MGAT4B: variants seen among roughly 807,000 people sequenced by gnomAD.
The protein encoded by MGAT4B is alpha-1,3-mannosyl-glycoprotein 4-beta-N-acetylglucosaminyltransferase B.
A neutral mutation model predicts 73.9 loss-of-function variants in MGAT4B; 38 were observed. The observed-to-expected ratio is 0.51, with a 90% CI of 0.40 to 0.67. The LOEUF (loss-of-function observed/expected upper bound fraction) is 0.67. Among genes scored for constraint, MGAT4B ranks in the 30% least tolerant of loss-of-function variants. The pLI is 0.00. For missense variants in MGAT4B, 686 were observed against 735.2 expected (o/e 0.93, Z 0.77); for synonymous variants, 373 against 313.5 (o/e 1.19, Z -2.01).
At chr5:179,802,557 GAC>G in intron 1 of MGAT4B, 2 of 997,590 alleles carry the variant, frequency 2.0e-6, no homozygotes, top group Non-Finnish European at 2.4e-6. Flanking sequence ...GCTGCTCAAG[GAC>G]AGTCAACAGC....
chr5:179,802,926 C>T, intron 1 of MGAT4B: 1 of 985,420 alleles, frequency 1.0e-6, no homozygotes, highest in Non-Finnish European at 1.2e-6. Flanking sequence ...GTTTAAGAAG[C>T]CTGACCGAAC....
At position 179,801,509 on chromosome 5, in the gene MGAT4B, C is replaced by A. The variant is rs754117354; in HGVS notation, c.425-42G>T. On this transcript the variant is annotated intron_variant, in intron 3 of 14. Coordinates refer to ENST00000292591, the MANE Select transcript of MGAT4B (RefSeq NM_014275.5). The surrounding 1 kb of genome is among the most constrained non-coding windows in gnomAD (Gnocchi z 4.8). Reference sequence around the variant, plus strand: ...CCCGACGCTGGAAAGGGTGCGGGGGCCACCCGTCCCCCCACCCCGTGCTCC... The same window carrying A: ...CCCGACGCTGGAAAGGGTGCGGGGGACACCCGTCCCCCCACCCCGTGCTCC... 6.2e-7 allele frequency: 1 copy of A among 1,602,338 alleles called. No homozygotes were observed. Among genetic ancestry groups the A allele is most frequent in the Non-Finnish European group, 8.5e-7 (1 of 1,172,612 alleles).
rs1168794803 is a variant in MGAT4B, at chr5:179,798,052, G to A, written c.1640C>T (p.Ala547Val). ...CCCTCAGAAGCCCGCAGCTTAGTCG[G>A]CCTTTTTCAGGAAGATCTGGAAGAG... ...VILSEIFLKK[A>V]D The change falls in exon 15 of 15, where the codon GCC becomes GTC. Residue 547 changes from alanine (A) to valine (V), a missense_variant. Around this residue, in one of 2 missense-constraint regions of MGAT4B, gnomAD observed 449 missense variants for 536.8 expected, o/e 0.84. Coordinates refer to ENST00000292591, the MANE Select transcript of MGAT4B (RefSeq NM_014275.5). 6.2e-7 allele frequency: 1 copy of A among 1,608,890 alleles called. No homozygotes were observed. The highest frequency in any genetic ancestry group is 8.5e-7 in the Non-Finnish European group (1 of 1,178,290).
chr5:179,798,978 G>C lies in MGAT4B; in HGVS notation c.1293C>G (p.Ala431=), dbSNP rs41285561. Residue 431 remains alanine (A), a synonymous_variant, in exon 11 of 15, where the codon GCC becomes GCG. Transcript: ENST00000292591. ...REDFFWAFTP[A]AGDFIRFRFF... Reference sequence around the variant, plus strand: ...AGCGGAAGCGGATGAAGTCCCCCGCGGCAGGGGTGAAGGCCCAGAAGAAGT... The same window carrying C: ...AGCGGAAGCGGATGAAGTCCCCCGCCGCAGGGGTGAAGGCCCAGAAGAAGT... The C allele has an allele frequency of 6.2e-7, 1 of 1,613,766 alleles. No individual in the cohort carries two copies.
chr5:179,802,138 G>T, intron 1 of MGAT4B, 169 bp from the exon 2 acceptor site: 1 of 1,524,758 alleles, frequency 6.6e-7, no homozygotes, highest in South Asian at 1.3e-5. Context: ...AAATTACACT[G>T]ACACTAATGC....
chr5:179,802,910 C>T, intron 1 of MGAT4B: 1 of 985,442 alleles, frequency 1.0e-6, no homozygotes, highest in Non-Finnish European at 1.2e-6. Context: ...GTTTCCAAGT[C>T]TCCAAGTTTA....
intron 6 of MGAT4B, 76 bp downstream of exon 6, chr5:179,800,408 C>A: frequency 7.0e-7 from 1 of 1,423,472 alleles, no homozygotes; most frequent in Non-Finnish European, 9.8e-7. Flanking sequence ...GGGAAACACC[C>A]TGGACTCAAA....
chr5:179,802,816 C>G (rs551693), intron 1 of MGAT4B: 1 of 985,558 alleles, frequency 1.0e-6, no homozygotes. Flanking sequence ...CCTGGTGGCT[C>G]GGTGCCCACA....
rs1318434916 is a variant in MGAT4B at position 179,801,155 on chromosome 5, C to T, written c.558+179G>A. On this transcript the variant is annotated intron_variant, in intron 4 of 14. Coordinates refer to ENST00000292591, the MANE Select transcript of MGAT4B (RefSeq NM_014275.5). The surrounding 1 kb of genome is among the most constrained non-coding windows in gnomAD (Gnocchi z 4.8). Reference sequence around the variant, plus strand: ...GCCAAGGACTAGGGGGTGGCGGGGGCGATGGGTAGGGGTAGAGGGTGCCAG... The same window carrying T: ...GCCAAGGACTAGGGGGTGGCGGGGGTGATGGGTAGGGGTAGAGGGTGCCAG... Among the ~76,000 whole-genome samples the T allele has an allele frequency of 1.3e-5, 2 of 151,644 alleles. No homozygotes were observed. Among genetic ancestry groups the T allele is most frequent in the African/African-American group, 2.4e-5 (1 of 41,042 alleles).
In MGAT4B at chr5:179,800,503, C is replaced by T; in HGVS notation, c.700G>A (p.Asp234Asn). ...DFSRLRESFGDPKERVRWRTK... is the reference protein window; with the variant it reads ...DFSRLRESFGNPKERVRWRTK... ...TAGTACCTGACTCTCTCCTTGGGGT[C>T]CCCAAAGGACTCTCGGAGGCGGGAG... Residue 234 changes from aspartate (D) to asparagine (N), a missense_variant, in exon 6 of 15, where the codon GAC becomes AAC. Physicochemically the swap from Asp to Asn is conservative, Grantham distance 23 (BLOSUM62 1). Transcript: ENST00000292591. The T allele has an allele frequency of 2.5e-6, 4 of 1,608,540 alleles. No individual in the cohort carries two copies. The highest frequency in any genetic ancestry group is 3.4e-6 in the Non-Finnish European group (4 of 1,177,748).
Position 179,801,285 on chromosome 5 carries a change from G to T in MGAT4B, c.558+49C>A, listed in dbSNP as rs1187693770. The T allele has an allele frequency of 6.4e-6, 10 of 1,571,310 alleles. No homozygotes were observed. Among genetic ancestry groups the T allele is most frequent in the African/African-American group, 2.7e-5 (2 of 74,302 alleles). On this transcript the variant is annotated intron_variant, in intron 4 of 14. Coordinates refer to ENST00000292591, the MANE Select transcript of MGAT4B (RefSeq NM_014275.5). This position sits in a 1 kb window ranked among gnomAD's most constrained non-coding sequence, Gnocchi z 4.8. ...TGGTTCCTGCTGTCAGTTCTGCACC[G>T]CGGGGGCTCCTCTGAATGTCCCCCA...
chr5:179,801,194 C>T lies in MGAT4B; in HGVS notation c.558+140G>A. Reference sequence around the variant, plus strand: ...AGAGGGTGCCAGAAAGCCCTTTCAACTTTCTATCTCGGAGCATTTGCGAAT... The same window carrying T: ...AGAGGGTGCCAGAAAGCCCTTTCAATTTTCTATCTCGGAGCATTTGCGAAT... On this transcript the variant is annotated intron_variant, in intron 4 of 14. Transcript: ENST00000292591. The surrounding 1 kb of genome is among the most constrained non-coding windows in gnomAD (Gnocchi z 4.8). 7.5e-7 allele frequency: 1 copy of T among 1,333,824 alleles called. No individual in the cohort carries two copies. Among genetic ancestry groups the T allele is most frequent in the Non-Finnish European group, 1.0e-6 (1 of 995,066 alleles). The allele number at this position is 1,333,824 out of a possible 1,614,324, so 82.6% of individuals were successfully genotyped here.
Position 179,799,976 on chromosome 5 carries a change from C to T in MGAT4B, c.888G>A (p.Glu296=), listed in dbSNP as rs768980761. The T allele has an allele frequency of 4.3e-6, 7 of 1,613,946 alleles. No individual in the cohort carries two copies. In the South Asian group the frequency reaches 6.6e-5, roughly 15 times the overall value. Residue 296 remains glutamate, a synonymous_variant, in exon 8 of 15, where the codon GAG becomes GAA. Coordinates refer to ENST00000292591, the MANE Select transcript of MGAT4B (RefSeq NM_014275.5). The part of the protein sequence containing the change: ...QQPSEDWMIL[E]FSQLGFIGKM... ...CACCAATGAAGCCCAGCTGGGAGAA[C>T]TCCAGGATCATCCAGTCCTCTGAAG...
rs1756853067 is a variant in MGAT4B, at chr5:179,800,258, A to C, written c.721T>G (p.Trp241Gly). 6.2e-7 allele frequency: 1 copy of C among 1,612,920 alleles called. No homozygotes were observed. Among genetic ancestry groups the C allele is most frequent in the Non-Finnish European group, 8.5e-7 (1 of 1,179,962 alleles). Residue 241 changes from tryptophan to glycine, a missense_variant and splice_region_variant, in exon 7 of 15, where the codon TGG becomes GGG. This residue lies in a region of MGAT4B where 449 missense variants were observed against 536.8 expected (regional missense o/e 0.84). Transcript: ENST00000292591. ...TAATCGAGGTTCTGTTTGGTCCTCC[A>C]CCTGTGGGCCGGGGCGGGGCCTCAG... ...SFGDPKERVR[W>G]RTKQNLDYCF...
In MGAT4B at chr5:179,800,946, G is replaced by A. The variant is rs1407267782; in HGVS notation, c.566C>T (p.Ser189Leu). 1 of 1,613,898 alleles carries A rather than the reference G, an allele frequency of 6.2e-7. No homozygotes were observed. Among genetic ancestry groups the A allele is most frequent in the East Asian group, 2.2e-5 (1 of 44,862 alleles). Residue 189 changes from serine (S) to leucine (L), a missense_variant, in exon 5 of 15, where the codon TCA (serine) becomes TTA (leucine). Ser to Leu is a moderately radical substitution (Grantham distance 145). Coordinates refer to ENST00000292591, the MANE Select transcript of MGAT4B (RefSeq NM_014275.5). ...CTCTGTCACTGCCGAAGTGTACTGT[G>A]AGTCAGTCTGTGGGGAGACCAAGCA... The part of the protein sequence containing the change: ...VIVVLIAETD[S>L]QYTSAVTENI...
chr5:179,800,622 G>A (rs533353222), intron 5 of MGAT4B, 25 bp from the exon 6 acceptor site: 41 of 1,499,938 alleles, frequency 2.7e-5, no homozygotes, highest in South Asian at 2.0e-4. Flanking sequence ...GGCCTAGTCC[G>A]TATGCAGCCT....
At chr5:179,804,898 C>G (rs1757078446) in intron 1 of MGAT4B, 1 of 152,220 alleles carries the variant, frequency 6.6e-6, no homozygotes, top group South Asian at 2.1e-4. Flanking sequence ...GAAACAGTGA[C>G]AGCCCCTCGA....
In MGAT4B at chr5:179,800,505, C is replaced by T; in HGVS notation, c.698G>A (p.Gly233Glu). 1.9e-6 allele frequency: 3 copies of T among 1,609,758 alleles called. No homozygotes were observed. Among genetic ancestry groups the T allele is most frequent in the Non-Finnish European group, 2.5e-6 (3 of 1,178,558 alleles). ...GTACCTGACTCTCTCCTTGGGGTCCCCAAAGGACTCTCGGAGGCGGGAGAA... is the reference window on the plus strand; with the variant it reads ...GTACCTGACTCTCTCCTTGGGGTCCTCAAAGGACTCTCGGAGGCGGGAGAA... ...PDFSRLRESF[G>E]DPKERVRWRT... The change falls in exon 6 of 15, where the codon GGG (glycine) becomes GAG (glutamate). Residue 233 changes from glycine to glutamate, a missense_variant. By Grantham distance (98) the Gly-to-Glu change is moderately conservative (BLOSUM62 -2). This residue lies in a region of MGAT4B where 449 missense variants were observed against 536.8 expected (regional missense o/e 0.84). Transcript: ENST00000292591.
chr5:179,803,223 C>T (rs1400880025), intron 1 of MGAT4B: 2 of 985,400 alleles, frequency 2.0e-6, no homozygotes, highest in Non-Finnish European at 2.4e-6. Context: ...AAGAAGCCAG[C>T]CCCCACCCTC....
Sources: allele counts gnomAD v4.1 joint callset (sites outside exome capture counted in the v4.1 genomes callset), GRCh38; gene constraint gnomAD v4.1.1; regional missense constraint gnomAD v4.1.1; non-coding constraint Gnocchi (gnomAD v3.1); transcripts MANE v1.5; gene names NCBI Gene and HGNC (gene_info 2026-07-23, HGNC 2026-07-21).